Variants in VIPR2 observed in about 807,000 individuals in gnomAD.
The protein encoded by VIPR2 is vasoactive intestinal polypeptide receptor 2.
In VIPR2, 48 loss-of-function variants were observed where a neutral mutation model predicts 58.0. The observed-to-expected ratio is 0.83, with a 90% CI of 0.66 to 1.05. The LOEUF (loss-of-function observed/expected upper bound fraction) is 1.05. VIPR2 is among the 50% of genes least tolerant of loss of function. The pLI is 0.00. For synonymous variants in VIPR2, 243 were observed against 235.2 expected (o/e 1.03, Z -0.30); for missense variants, 534 against 558.0 (o/e 0.96, Z 0.43).
At chr7:159,068,994 G>A (rs1190166711) in intron 4 of VIPR2, among the ~76,000 whole-genome samples, 1 of 152,196 alleles carries the variant, frequency 6.6e-6, no homozygotes, top group African/African-American at 2.4e-5. Flanking sequence ...GTGCTGGCAG[G>A]CCCCTGTCTC....
chr7:159,141,312 C>T (rs1797455533), intron 2 of VIPR2, among the ~76,000 whole-genome samples: 5 of 152,264 alleles, frequency 3.3e-5, no homozygotes, highest in Admixed American at 2.6e-4. Flanking sequence ...ACCATGCGTG[C>T]ACCGCGGAAT....
chr7:159,031,528 G>A lies in VIPR2; in HGVS notation c.1143+300C>T. The A allele has an allele frequency of 2.0e-6, 2 of 985,422 alleles. No individual in the cohort carries two copies. The highest frequency in any genetic ancestry group is 2.4e-6 in the Non-Finnish European group (2 of 829,920). 61.0% of individuals were successfully genotyped at this position (985,422 alleles called of 1,614,324 possible). ...TCAGGAGCGAGACGCCGACCATGGG[G>A]AAAAACAGATTCTGTCTAGACCCGG... On this transcript the variant is annotated intron_variant, in intron 12 of 12. Transcript: ENST00000262178. The surrounding 1 kb of genome is among the most constrained non-coding windows in gnomAD (Gnocchi z 4.0).
intron 2 of VIPR2, among the ~76,000 whole-genome samples, chr7:159,136,628 C>T (rs796534494): frequency 4.6e-5 from 7 of 152,200 alleles, no homozygotes; most frequent in African/African-American, 1.4e-4. Flanking sequence ...CTGTGGGTTT[C>T]GTTTCCACTG....
chr7:159,040,132 G>T (rs752261085), intron 6 of VIPR2, among the ~76,000 whole-genome samples: 4 of 152,330 alleles, frequency 2.6e-5, no homozygotes, highest in East Asian at 1.9e-4. Context: ...AGGAAGGGAG[G>T]TCTGGGGAAT....
At chr7:159,114,006 T>A (rs1321438852) in intron 2 of VIPR2, among the ~76,000 whole-genome samples, 1 of 152,196 alleles carries the variant, frequency 6.6e-6, no homozygotes, top group African/African-American at 2.4e-5. Flanking sequence ...CCTTGTAGTA[T>A]CATTTGCCTT....
Position 159,034,600 on chromosome 7 carries a change from G to T in VIPR2, c.860C>A (p.Pro287Gln). The change falls in exon 9 of 13, where the codon CCG becomes CAG. Residue 287 changes from proline to glutamine, a missense_variant. By Grantham distance (76) the Pro-to-Gln change is moderately conservative (BLOSUM62 -1). This residue lies in a region of VIPR2 where 306 missense variants were observed against 285.8 expected (regional missense o/e 1.07). Transcript: ENST00000262178. Reference sequence around the variant, plus strand: ...ACTTACGATGATGGAAATTAAAATCGGTATTCGTATGACCCACCAGGGCAC... The same window carrying T: ...ACTTACGATGATGGAAATTAAAATCTGTATTCGTATGACCCACCAGGGCAC... ...HSVPWWVIRI[P>Q]ILISIIVNFV... 1.9e-6 allele frequency: 3 copies of T among 1,613,826 alleles called. No homozygotes were observed. The highest frequency in any genetic ancestry group is 2.5e-6 in the Non-Finnish European group (3 of 1,179,804).
At position 159,030,625 on chromosome 7, in the gene VIPR2, C is replaced by T; in HGVS notation, c.1308G>A (p.Ser436=). 6.5e-7 allele frequency: 1 copy of T among 1,546,160 alleles called. No individual in the cohort carries two copies. Among genetic ancestry groups the T allele is most frequent in the Non-Finnish European group, 8.7e-7 (1 of 1,145,680 alleles). ...ACAGGCAGGGGTGGGGCTAGATGAC[C>T]GAGGTCTCCGTTTGCAGGAAGGACT... ...RAQSFLQTET[S]VI Residue 436 remains serine, a synonymous_variant, in exon 13 of 13, where the codon TCG becomes TCA. Transcript: ENST00000262178.
At chr7:159,059,453 C>T (rs931626012) in intron 4 of VIPR2, 1 of 398,816 alleles carries the variant, frequency 2.5e-6, no homozygotes, top group Non-Finnish European at 5.1e-6. Context: ...AACCAAACCT[C>T]ACTGTTATTT....
chr7:159,030,901 T>C (rs1853526375), intron 12 of VIPR2, 112 bp from the exon 13 acceptor site: 7 of 1,331,624 alleles, frequency 5.3e-6, no homozygotes, highest in Non-Finnish European at 6.9e-6. Flanking sequence ...CTCCCGTATC[T>C]GTGTTGCCAG....
chr7:159,132,334 C>G (rs1213720432), intron 2 of VIPR2, among the ~76,000 whole-genome samples: 1 of 140,104 alleles, frequency 7.1e-6, no homozygotes, highest in Non-Finnish European at 1.6e-5. Flanking sequence ...AACTTGCACC[C>G]TGAGCTCTCC....
chr7:159,113,033 G>T (rs1379087353), intron 2 of VIPR2, among the ~76,000 whole-genome samples: 1 of 152,224 alleles, frequency 6.6e-6, no homozygotes, highest in Non-Finnish European at 1.5e-5. Flanking sequence ...GCAAGGAGGG[G>T]GAATCCAGAA....
At chr7:159,121,365 C>CAA (rs1325269608) in intron 2 of VIPR2, among the ~76,000 whole-genome samples, 2 of 152,138 alleles carry the variant, frequency 1.3e-5, no homozygotes, top group African/African-American at 4.8e-5. Context: ...CATGACATTC[C>CAA]AAGGGCAGAG....
chr7:159,083,794 C>T (rs769623244), intron 4 of VIPR2, among the ~76,000 whole-genome samples: 1 of 152,250 alleles, frequency 6.6e-6, no homozygotes, highest in Non-Finnish European at 1.5e-5. Flanking sequence ...GTCTGCACTG[C>T]ATCACAGTGT....
intron 4 of VIPR2, among the ~76,000 whole-genome samples, chr7:159,075,067 C>G (rs11760692): frequency 0.024 from 3,719 of 152,328 alleles, 77 homozygotes; most frequent in Admixed American, 0.051. Context: ...TAAGAAACCT[C>G]TTGTTCTGTT....
intron 2 of VIPR2, among the ~76,000 whole-genome samples, chr7:159,116,678 CAG>C (rs899355155): frequency 2.6e-5 from 4 of 152,118 alleles, no homozygotes; most frequent in African/African-American, 9.7e-5. Context: ...ACGGAATACA[CAG>C]GGTTTGGGAA....
chr7:159,096,789 C>T lies in VIPR2; in HGVS notation c.357+6968G>A, dbSNP rs565563280. 1.7e-5 allele frequency: 24 copies of T among 1,425,764 alleles called. No homozygotes were observed. Among genetic ancestry groups the T allele is most frequent in the Admixed American group, 5.6e-5 (2 of 35,946 alleles). 88.3% of individuals were successfully genotyped at this position (1,425,764 alleles called of 1,614,324 possible). A position where few individuals can be genotyped will look rare whatever the true frequency, so the allele number is the denominator to read the frequency against. On this transcript the variant is annotated intron_variant, in intron 4 of 12. Coordinates refer to ENST00000262178, the MANE Select transcript of VIPR2 (RefSeq NM_003382.5). This position sits in a 1 kb window ranked among gnomAD's most constrained non-coding sequence, Gnocchi z 5.5. The stretch of plus-strand genomic sequence containing the variant: ...TTCTGCCCCTGCCTGAGGTCAGTCT[C>T]GTGGCCCCCGCAGCAGCCACAGGCC...
chr7:159,078,578 A>G (rs1031110486), intron 4 of VIPR2, among the ~76,000 whole-genome samples: 24 of 152,212 alleles, frequency 1.6e-4, no homozygotes, highest in African/African-American at 5.3e-4. Flanking sequence ...GATGCCAACG[A>G]AAGTCTGCAT....
At chr7:159,059,505 T>C (rs1256338869) in intron 4 of VIPR2, 2 of 366,238 alleles carry the variant, frequency 5.5e-6, no homozygotes, top group Non-Finnish European at 1.1e-5. Flanking sequence ...AGTTATGCTC[T>C]TGTTTATTAG....
intron 2 of VIPR2, among the ~76,000 whole-genome samples, chr7:159,129,140 G>A (rs1427294707): frequency 9.7e-6 from 1 of 102,972 alleles, no homozygotes; most frequent in Non-Finnish European, 2.1e-5. Flanking sequence ...ACTGGCCTCT[G>A]GGGGGGACAG....
Sources: allele counts gnomAD v4.1 joint callset (sites outside exome capture counted in the v4.1 genomes callset), GRCh38; gene constraint gnomAD v4.1.1; regional missense constraint gnomAD v4.1.1; non-coding constraint Gnocchi (gnomAD v3.1); transcripts MANE v1.5; gene names NCBI Gene and HGNC (gene_info 2026-07-23, HGNC 2026-07-21).